The following GPATCH2 variants were observed in gnomAD, a reference collection of about 807,000 sequenced individuals.
The protein encoded by GPATCH2 is G patch domain-containing protein 2.
Under a neutral mutation model 58.0 loss-of-function variants are expected in GPATCH2, and 51 were observed. The observed-to-expected ratio is 0.88, with a 90% CI of 0.70 to 1.11. The LOEUF is 1.11. Ranked by LOEUF, GPATCH2 falls within the 50% of genes most tolerant of loss-of-function variation. The pLI is 0.00. For synonymous variants in GPATCH2, 222 were observed against 218.5 expected (o/e 1.02, Z -0.14); for missense variants, 625 against 652.2 (o/e 0.96, Z 0.45).
At chr1:217,461,005 T>C (rs1660175037) in intron 8 of GPATCH2, among the ~76,000 whole-genome samples, 1 of 152,208 alleles carries the variant, frequency 6.6e-6, no homozygotes, top group African/African-American at 2.4e-5. Context: ...ACTTTGCTTG[T>C]CGTGCAAAGT....
chr1:217,620,433 C>T lies in GPATCH2; in HGVS notation c.123G>A (p.Glu41=). 2.5e-6 allele frequency: 4 copies of T among 1,614,072 alleles called. No individual in the cohort carries two copies. Among genetic ancestry groups the T allele is most frequent in the Non-Finnish European group, 1.7e-6 (2 of 1,179,972 alleles). The change falls in exon 2 of 10, where the codon GAG becomes GAA. Residue 41 remains glutamate (E), a synonymous_variant. Coordinates refer to ENST00000366935, the MANE Select transcript of GPATCH2 (RefSeq NM_018040.5). ...DLVSALEESS[E]QARGGFAETG... is the part of the protein sequence containing the mutation. ...TTTCAGCAAATCCACCTCGAGCTTGCTCTGAGCTCTCTTCCAATGCTGAGA... is the reference window on the plus strand; with the variant it reads ...TTTCAGCAAATCCACCTCGAGCTTGTTCTGAGCTCTCTTCCAATGCTGAGA...
At chr1:217,492,318 A>G (rs1661783703) in intron 7 of GPATCH2, among the ~76,000 whole-genome samples, 1 of 152,162 alleles carries the variant, frequency 6.6e-6, no homozygotes. Context: ...TAATTAGAAA[A>G]AAACATATTT....
intron 1 of GPATCH2, among the ~76,000 whole-genome samples, chr1:217,626,994 A>G (rs1338558422): frequency 6.6e-6 from 1 of 152,046 alleles, no homozygotes; most frequent in Non-Finnish European, 1.5e-5. Context: ...GGAAAAAAAA[A>G]AGGCTGGGAG....
At chr1:217,524,453 C>T (rs1196241842) in intron 5 of GPATCH2, among the ~76,000 whole-genome samples, 1 of 151,492 alleles carries the variant, frequency 6.6e-6, no homozygotes, top group Non-Finnish European at 1.5e-5. Context: ...ACTTCCCAGA[C>T]GGGGTGGCGG....
intron 6 of GPATCH2, among the ~76,000 whole-genome samples, chr1:217,505,338 GT>G (rs1430458432): frequency 6.6e-6 from 1 of 152,182 alleles, no homozygotes; most frequent in Non-Finnish European, 1.5e-5. Context: ...CAGTAGAGCA[GT>G]TGTGGTTGGT....
intron 8 of GPATCH2, among the ~76,000 whole-genome samples, chr1:217,488,234 T>G (rs954007476): frequency 1.3e-5 from 2 of 152,222 alleles, no homozygotes; most frequent in Non-Finnish European, 2.9e-5. Flanking sequence ...CCAGTTTGGA[T>G]GCAAGGTTTT....
chr1:217,518,372 A>T (rs2102590542), intron 5 of GPATCH2, among the ~76,000 whole-genome samples: 1 of 152,334 alleles, frequency 6.6e-6, no homozygotes, highest in South Asian at 2.1e-4. Flanking sequence ...ATTATCAATG[A>T]CAAAATGTCT....
At chr1:217,529,846 C>A (rs1335403296) in intron 5 of GPATCH2, among the ~76,000 whole-genome samples, 1 of 152,170 alleles carries the variant, frequency 6.6e-6, no homozygotes, top group Non-Finnish European at 1.5e-5. Flanking sequence ...CACTTACAAA[C>A]TGACATCAAC....
intron 7 of GPATCH2, among the ~76,000 whole-genome samples, chr1:217,496,666 A>G (rs11117875): frequency 2.6e-3 from 397 of 152,296 alleles, no homozygotes; most frequent in Non-Finnish European, 3.9e-3. Flanking sequence ...TGAATCAACA[A>G]CAGACATTAA....
chr1:217,507,731 A>T (rs530347265), intron 6 of GPATCH2, among the ~76,000 whole-genome samples: 79 of 152,190 alleles, frequency 5.2e-4, no homozygotes, highest in Non-Finnish European at 9.3e-4. Flanking sequence ...GTCTATAAAG[A>T]AACAAGTGCT....
intron 5 of GPATCH2, among the ~76,000 whole-genome samples, chr1:217,559,012 A>G (rs1665789399): frequency 6.6e-6 from 1 of 152,052 alleles, no homozygotes; most frequent in Non-Finnish European, 1.5e-5. Flanking sequence ...CCTCACACTC[A>G]ACTGACCACA....
At chr1:217,600,988 C>G (rs554282415) in intron 5 of GPATCH2, among the ~76,000 whole-genome samples, 2 of 152,004 alleles carry the variant, frequency 1.3e-5, no homozygotes, top group African/African-American at 4.8e-5. Flanking sequence ...TAAGCCATTT[C>G]TTTACTAATA....
At chr1:217,446,176 T>C (rs923580307) in intron 9 of GPATCH2, among the ~76,000 whole-genome samples, 1 of 152,144 alleles carries the variant, frequency 6.6e-6, no homozygotes, top group Non-Finnish European at 1.5e-5. Flanking sequence ...ACTGTTATCA[T>C]CTGCATTTTT....
At chr1:217,447,353 A>G (rs1425850464) in intron 9 of GPATCH2, among the ~76,000 whole-genome samples, 1 of 152,212 alleles carries the variant, frequency 6.6e-6, no homozygotes, top group African/African-American at 2.4e-5. Context: ...ATATATTCTT[A>G]CAAAGAGGCT....
intron 6 of GPATCH2, among the ~76,000 whole-genome samples, chr1:217,501,471 T>C (rs141684607): frequency 1.3e-5 from 2 of 152,220 alleles, no homozygotes; most frequent in East Asian, 3.9e-4. Context: ...AAGAGTGCAA[T>C]TGCTGGTTAG....
At chr1:217,565,024 A>G (rs1666145831) in intron 5 of GPATCH2, among the ~76,000 whole-genome samples, 1 of 152,234 alleles carries the variant, frequency 6.6e-6, no homozygotes, top group South Asian at 2.1e-4. Flanking sequence ...AGCACAAAAA[A>G]CAGGAACTGG....
intron 5 of GPATCH2, chr1:217,609,987 T>G (rs1668547276): frequency 7.3e-7 from 1 of 1,371,766 alleles, no homozygotes; most frequent in East Asian, 2.8e-5. Context: ...GGTTCACTTC[T>G]GACTAAAAGG....
chr1:217,606,338 G>A (rs1211293899), intron 5 of GPATCH2, among the ~76,000 whole-genome samples: 1 of 151,770 alleles, frequency 6.6e-6, no homozygotes, highest in African/African-American at 2.4e-5. Context: ...AAATTTATTT[G>A]AAACTATGAT....
At chr1:217,534,072 C>T (rs1009534500) in intron 5 of GPATCH2, among the ~76,000 whole-genome samples, 1 of 151,840 alleles carries the variant, frequency 6.6e-6, no homozygotes, top group Non-Finnish European at 1.5e-5. Context: ...AAAAATTAGC[C>T]GTGCATGGTG....
Sources: allele counts gnomAD v4.1 joint callset (sites outside exome capture counted in the v4.1 genomes callset), GRCh38; gene constraint gnomAD v4.1.1; transcripts MANE v1.5; gene names NCBI Gene and HGNC (gene_info 2026-07-23, HGNC 2026-07-21).